Variants in NEXMIF observed in about 807,000 individuals in gnomAD.
NEXMIF encodes neurite extension and migration factor, also known as XLMR protein related to neurite extension.
In NEXMIF, 8 loss-of-function variants were observed where a neutral mutation model predicts 62.1. That is an observed-to-expected ratio of 0.13 (90% confidence interval 0.08 to 0.23). NEXMIF has a LOEUF of 0.23. Ranked by LOEUF, NEXMIF falls within the 10% of genes least tolerant of loss-of-function variation. The pLI, the probability that NEXMIF is intolerant of heterozygous loss-of-function variation, is 1.00. For synonymous variants in NEXMIF, 404 were observed against 416.6 expected (o/e 0.97, Z 0.37); for missense variants, 976 against 1,113.3 (o/e 0.88, Z 1.75).
intron 1 of NEXMIF, among the ~76,000 whole-genome samples, chrX:74,747,371 A>T (rs746861138): frequency 9.0e-6 from 1 of 111,569 alleles, no homozygotes; most frequent in South Asian, 3.8e-4. Context: ...GATCTATGAA[A>T]AAAACCCCCC....
chrX:74,741,135 A>C lies in NEXMIF; in HGVS notation c.3422T>G (p.Phe1141Cys). 8.3e-7 allele frequency: 1 copy of C among 1,210,147 alleles called. No homozygotes were observed. The highest frequency in any genetic ancestry group is 1.1e-6 in the Non-Finnish European group (1 of 894,274). The change falls in exon 3 of 4, where the codon TTC becomes TGC. Residue 1141 changes from phenylalanine to cysteine, a missense_variant. Physicochemically the swap from Phe to Cys is radical, Grantham distance 205 (BLOSUM62 -2). Coordinates refer to ENST00000055682, the MANE Select transcript of NEXMIF (RefSeq NM_001008537.3). ...CAGGCTGACAGAATCCTCATCATTG[A>C]ACATATGGAACTGAAACTGGTGATT... ...LNNHQFQFHM[F>C]NDEDSVSLLQ...
intron 1 of NEXMIF, among the ~76,000 whole-genome samples, chrX:74,776,841 G>T (rs189341851): frequency 9.0e-6 from 1 of 110,640 alleles, no homozygotes. Context: ...CCAGTTATAC[G>T]TTAGACTTAC....
At chrX:74,775,117 C>T (rs1402410111) in intron 1 of NEXMIF, among the ~76,000 whole-genome samples, 2 of 111,421 alleles carry the variant, frequency 1.8e-5, no homozygotes, top group African/African-American at 6.5e-5. Context: ...GATAAGCAGA[C>T]CCAAGTTGTT....
At position 74,740,616 on chromosome X, in the gene NEXMIF, T is replaced by C; in HGVS notation, c.3941A>G (p.Gln1314Arg). The change falls in exon 3 of 4, where the codon CAG (glutamine) becomes CGG (arginine). Residue 1314 changes from glutamine to arginine, a missense_variant. Gln to Arg is a conservative substitution (Grantham distance 43, BLOSUM62 1). Coordinates refer to ENST00000055682, the MANE Select transcript of NEXMIF (RefSeq NM_001008537.3). ...SLLDDDQREF[Q>R]EPSYILSNIA... is the part of the protein sequence containing the mutation. The stretch of plus-strand genomic sequence containing the variant: ...GTTGGACAAGATATAGGAAGGCTCC[T>C]GAAATTCCCGTTGGTCATCATCCAG... 1 of 1,212,049 alleles carries C rather than the reference T, an allele frequency of 8.3e-7. No individual in the cohort carries two copies. The highest frequency in any genetic ancestry group is 1.8e-5 in the South Asian group (1 of 57,001).
At chrX:74,920,815 T>A (rs1474360962) in intron 1 of NEXMIF, among the ~76,000 whole-genome samples, 1 of 111,493 alleles carries the variant, frequency 9.0e-6, no homozygotes, top group Non-Finnish European at 1.9e-5. Flanking sequence ...TGGCACTACT[T>A]TAGCACTCAG....
intron 1 of NEXMIF, among the ~76,000 whole-genome samples, chrX:74,868,913 C>T (rs911425856): frequency 9.0e-6 from 1 of 111,548 alleles, no homozygotes; most frequent in South Asian, 3.8e-4. Context: ...TAAAGAAGAA[C>T]TAATACCAAT....
At chrX:74,902,309 T>C (rs2080751659) in intron 1 of NEXMIF, among the ~76,000 whole-genome samples, 1 of 109,707 alleles carries the variant, frequency 9.1e-6, no homozygotes, top group Non-Finnish European at 1.9e-5. Context: ...TAACATTGGC[T>C]CTCTGTGCTG....
chrX:74,801,859 T>C (rs977475880), intron 1 of NEXMIF, among the ~76,000 whole-genome samples: 1 of 111,504 alleles, frequency 9.0e-6, no homozygotes, highest in Non-Finnish European at 1.9e-5. Context: ...TGAAACCAGG[T>C]AGTATTCACC....
At chrX:74,821,681 G>C (rs979858845) in intron 1 of NEXMIF, among the ~76,000 whole-genome samples, 38 of 111,642 alleles carry the variant, frequency 3.4e-4, no homozygotes, top group African/African-American at 1.2e-3. Context: ...AAGGACAGAG[G>C]AATAATAAAA....
At chrX:74,792,980 A>C (rs1307173429) in intron 1 of NEXMIF, among the ~76,000 whole-genome samples, 4 of 108,111 alleles carry the variant, frequency 3.7e-5, no homozygotes, top group Non-Finnish European at 7.7e-5. Context: ...TTTACGTTTA[A>C]AGTTAATATT....
chrX:74,906,234 T>C (rs997065108), intron 1 of NEXMIF, among the ~76,000 whole-genome samples: 6 of 108,543 alleles, frequency 5.5e-5, no homozygotes, highest in Non-Finnish European at 9.5e-5. Context: ...GTTTGTGCCA[T>C]TGTACTCCAG....
intron 1 of NEXMIF, among the ~76,000 whole-genome samples, chrX:74,887,866 A>G (rs2080702130): frequency 2.7e-5 from 3 of 112,120 alleles, no homozygotes; most frequent in Admixed American, 9.5e-5. Context: ...TTGCGGCACT[A>G]TTCACAATAG....
chrX:74,781,483 T>G (rs1312703488), intron 1 of NEXMIF, among the ~76,000 whole-genome samples: 1 of 111,664 alleles, frequency 9.0e-6, no homozygotes, highest in African/African-American at 3.3e-5. Context: ...TTTCCTTAGG[T>G]GTATGTGAAG....
At chrX:74,819,644 C>T (rs1198385282) in intron 1 of NEXMIF, among the ~76,000 whole-genome samples, 1 of 112,103 alleles carries the variant, frequency 8.9e-6, no homozygotes, top group Non-Finnish European at 1.9e-5. Flanking sequence ...GAGATACCAT[C>T]CCACGCCAGT....
chrX:74,762,465 G>C (rs906883348), intron 1 of NEXMIF, among the ~76,000 whole-genome samples: 1 of 111,356 alleles, frequency 9.0e-6, no homozygotes, highest in Non-Finnish European at 1.9e-5. Flanking sequence ...TTATAATCCT[G>C]TGGGTATATA....
chrX:74,787,615 G>A (rs1309950843), intron 1 of NEXMIF, among the ~76,000 whole-genome samples: 1 of 111,657 alleles, frequency 9.0e-6, no homozygotes, highest in African/African-American at 3.3e-5. Context: ...ATACACATGG[G>A]GCCTTTCTTT....
intron 1 of NEXMIF, among the ~76,000 whole-genome samples, chrX:74,846,039 T>C (rs1248200417): frequency 8.9e-6 from 1 of 112,447 alleles, no homozygotes. Flanking sequence ...AAATAGAAAC[T>C]ATTAGCATCC....
chrX:74,915,992 C>T (rs190152679), intron 1 of NEXMIF, among the ~76,000 whole-genome samples: 11 of 112,139 alleles, frequency 9.8e-5, no homozygotes, highest in Non-Finnish European at 2.1e-4. Context: ...TTTGTTACAG[C>T]AACCATAGTA....
At chrX:74,787,294 G>A (rs5937894) in intron 1 of NEXMIF, among the ~76,000 whole-genome samples, 19 of 94,868 alleles carry the variant, frequency 2.0e-4, no homozygotes, top group Non-Finnish European at 2.9e-4. Flanking sequence ...AAAGAAAAAA[G>A]AAAAAAAAAA....
Sources: gnomAD v4.1 joint callset for allele counts (sites outside exome capture counted in the v4.1 genomes callset) on GRCh38, gnomAD v4.1.1 for gene constraint, MANE v1.5 for transcripts, NCBI Gene and HGNC (gene_info 2026-07-23, HGNC 2026-07-21) for gene names.